ALMS1: variants seen among roughly 807,000 people sequenced by gnomAD.
The protein encoded by ALMS1 is ALMS1 centrosome and basal body associated protein, also known as centrosome-associated protein ALMS1.
ALMS1 carries 271 observed loss-of-function variants against 352.2 expected under a neutral mutation model. The ratio of observed to expected loss-of-function variants is 0.77; its 90% CI spans 0.70 to 0.85. The LOEUF (loss-of-function observed/expected upper bound fraction) is 0.85, where lower values mean the gene tolerates loss of function less well. Among genes scored for constraint, ALMS1 ranks in the 40% least tolerant of loss-of-function variants. The pLI, the probability that ALMS1 is intolerant of heterozygous loss-of-function variation, is 0.00. For synonymous variants in ALMS1, 1,865 were observed against 1,761.2 expected (o/e 1.06, Z -1.48); for missense variants, 5,445 against 4,870.7 (o/e 1.12, Z -3.51).
rs537552283 is a variant in ALMS1 at position 73,404,348 on chromosome 2, G to T, written c.325-4274G>T. ...TAGAAGGGTGAGAGCAAGCATCTTT[G>T]TCTTGCTTCTGATCTTAGAGGAAAT... On this transcript the variant is annotated intron_variant, in intron 1 of 22. Transcript: ENST00000613296. Among the ~76,000 whole-genome samples, 3 of 152,220 alleles carry T rather than the reference G, an allele frequency of 2.0e-5. No individual in the cohort carries two copies. In the South Asian group the frequency reaches 6.2e-4, roughly 32 times the overall value.
At chr2:73,513,967 A>G (rs1477370768) in intron 10 of ALMS1, among the ~76,000 whole-genome samples, 1 of 152,084 alleles carries the variant, frequency 6.6e-6, no homozygotes, top group Non-Finnish European at 1.5e-5. Flanking sequence ...AATGGTTTTA[A>G]GATTGTATTG....
rs1671382711 is a variant in ALMS1 at position 73,426,542 on chromosome 2, C to T, written c.1327C>T (p.Leu443=). 6.2e-6 allele frequency: 10 copies of T among 1,613,974 alleles called. No homozygotes were observed. The highest frequency in any genetic ancestry group is 8.5e-6 in the Non-Finnish European group (10 of 1,179,858). Residue 443 remains leucine, a synonymous_variant, in exon 6 of 23, where the codon CTA becomes TTA. Coordinates refer to ENST00000613296, the MANE Select transcript of ALMS1 (RefSeq NM_001378454.1). ...TGTATGCAGTGAAAGAGTTGCTGAA[C>T]TACAAAGAAAGGTGAGACACAATAA... ...AVVCSERVAE[L]QRKPTRESEY... is the part of the protein sequence containing the mutation.
At chr2:73,508,135 C>G (rs1673373016) in intron 10 of ALMS1, among the ~76,000 whole-genome samples, 1 of 147,786 alleles carries the variant, frequency 6.8e-6, no homozygotes, top group Non-Finnish European at 1.5e-5. Flanking sequence ...CCTTTCCTTT[C>G]CCTTTCCCTT....
intron 9 of ALMS1, among the ~76,000 whole-genome samples, chr2:73,456,401 A>G (rs900657059): frequency 6.6e-6 from 1 of 152,144 alleles, no homozygotes; most frequent in Non-Finnish European, 1.5e-5. Context: ...TGGATAAGGC[A>G]TTTTGTCTGC....
intron 16 of ALMS1, among the ~76,000 whole-genome samples, chr2:73,585,098 G>A (rs751537788): frequency 6.6e-6 from 1 of 152,156 alleles, no homozygotes; most frequent in African/African-American, 2.4e-5. Flanking sequence ...GCATGTGCAA[G>A]TATCTTTTTC....
rs1553422061 is a variant in ALMS1 at position 73,603,320 on chromosome 2, C to G, written c.12362+16C>G. 2 of 1,610,434 alleles carry G rather than the reference C, an allele frequency of 1.2e-6. No individual in the cohort carries two copies. Among genetic ancestry groups the G allele is most frequent in the Admixed American group, 3.3e-5 (2 of 59,868 alleles). On this transcript the variant is annotated intron_variant, in intron 21 of 22. Transcript: ENST00000613296. The stretch of plus-strand genomic sequence containing the variant: ...GGTCCAAACGGTAAGACCAAGAAAA[C>G]AAGAGTACGTATACAAGTGTAAACC...
At chr2:73,455,617 G>A (rs1390930805) in intron 9 of ALMS1, among the ~76,000 whole-genome samples, 2 of 152,168 alleles carry the variant, frequency 1.3e-5, no homozygotes, top group African/African-American at 4.8e-5. Flanking sequence ...GCCCAGGCTG[G>A]TCTTGAACGC....
At chr2:73,511,775 C>T (rs1673459020) in intron 10 of ALMS1, among the ~76,000 whole-genome samples, 1 of 152,122 alleles carries the variant, frequency 6.6e-6, no homozygotes, top group African/African-American at 2.4e-5. Flanking sequence ...AGAAATGCTA[C>T]TGGTGTCTAG....
At chr2:73,582,932 T>C (rs1573038857) in intron 16 of ALMS1, among the ~76,000 whole-genome samples, 1 of 152,316 alleles carries the variant, frequency 6.6e-6, no homozygotes, top group East Asian at 1.9e-4. Context: ...GTTCTATTTT[T>C]AACTTTTTGA....
At chr2:73,553,659 A>T in intron 13 of ALMS1, among the ~76,000 whole-genome samples, 1 of 152,240 alleles carries the variant, frequency 6.6e-6, no homozygotes, top group Non-Finnish European at 1.5e-5. Context: ...ATAAACAATC[A>T]TATGTAAATA....
At chr2:73,576,618 C>A (rs982427625) in intron 16 of ALMS1, among the ~76,000 whole-genome samples, 4 of 128,764 alleles carry the variant, frequency 3.1e-5, no homozygotes, top group African/African-American at 7.9e-5. Flanking sequence ...TTTTCTTTTT[C>A]TTTTTCTTTT....
chr2:73,417,781 A>G (rs1411427812), intron 2 of ALMS1, among the ~76,000 whole-genome samples: 1 of 152,228 alleles, frequency 6.6e-6, no homozygotes, highest in Non-Finnish European at 1.5e-5. Flanking sequence ...TGAAAATGAA[A>G]ATACTTTCAT....
intron 9 of ALMS1, among the ~76,000 whole-genome samples, chr2:73,468,889 C>T (rs2103836637): frequency 6.6e-6 from 1 of 152,032 alleles, no homozygotes; most frequent in East Asian, 1.9e-4. Context: ...CAATTCCAAA[C>T]CACGATGAGG....
chr2:73,437,692 G>C (rs778988664), intron 7 of ALMS1, among the ~76,000 whole-genome samples: 1 of 152,096 alleles, frequency 6.6e-6, no homozygotes, highest in Non-Finnish European at 1.5e-5. Flanking sequence ...TCTCAGAGTA[G>C]TATTGTGCTG....
chr2:73,435,471 T>G (rs189453324), intron 7 of ALMS1, among the ~76,000 whole-genome samples: 2 of 152,194 alleles, frequency 1.3e-5, no homozygotes, highest in African/African-American at 4.8e-5. Flanking sequence ...AATATACTTC[T>G]GATTCAATTT....
Position 73,452,044 on chromosome 2 carries a change from G to C in ALMS1, c.5517G>C (p.Gln1839His), listed in dbSNP as rs1671954635. ...KILRVPGPAD[Q>H]KTGINILPSN... is the part of the protein sequence containing the mutation. ...TAAGAGTTCCTGGACCAGCTGACCA[G>C]AAGACTGGAATAAACATCCTGCCCT... The change falls in exon 8 of 23, where the codon CAG becomes CAC. Residue 1839 changes from glutamine to histidine, a missense_variant. Gln to His is a conservative substitution (Grantham distance 24). Transcript: ENST00000613296. 1.9e-6 allele frequency: 3 copies of C among 1,613,978 alleles called. No individual in the cohort carries two copies. The highest frequency in any genetic ancestry group is 2.5e-6 in the Non-Finnish European group (3 of 1,180,014).
intron 9 of ALMS1, among the ~76,000 whole-genome samples, chr2:73,467,097 TAAAC>T (rs907356871): frequency 3.8e-4 from 36 of 95,540 alleles, no homozygotes; most frequent in Admixed American, 4.0e-4. Flanking sequence ...AAAGGTTTCT[TAAAC>T]AAGAACAAAA....
rs1314501335 is a variant in ALMS1 at position 73,450,194 on chromosome 2, G to A, written c.3667G>A (p.Gly1223Arg). The change falls in exon 8 of 23, where the codon GGA (glycine) becomes AGA (arginine). Residue 1223 changes from glycine (G) to arginine (R), a missense_variant. By Grantham distance (125) the Gly-to-Arg change is moderately radical. Transcript: ENST00000613296. ...GGCACAGAAAGTTTCACCTGTTCTT[G>A]GACCAGCTGACCAGAAGACTGGGAC... ...EEAQKVSPVLGPADQKTGTPT... is the reference protein window; with the variant it reads ...EEAQKVSPVLRPADQKTGTPT... 1.2e-6 allele frequency: 2 copies of A among 1,614,056 alleles called. No homozygotes were observed. The highest frequency in any genetic ancestry group is 1.7e-6 in the Non-Finnish European group (2 of 1,179,988).
intron 10 of ALMS1, among the ~76,000 whole-genome samples, chr2:73,505,766 C>G (rs1325032805): frequency 6.6e-6 from 1 of 152,136 alleles, no homozygotes; most frequent in Non-Finnish European, 1.5e-5. Context: ...ATGATAGTTT[C>G]TTTTGCTGTG....
Sources: gnomAD v4.1 joint callset for allele counts (sites outside exome capture counted in the v4.1 genomes callset) on GRCh38, gnomAD v4.1.1 for gene constraint, MANE v1.5 for transcripts, NCBI Gene and HGNC (gene_info 2026-07-23, HGNC 2026-07-21) for gene names.